The following DENND1A variants were observed in gnomAD, a reference collection of about 807,000 sequenced individuals.
The protein encoded by DENND1A is DENN domain-containing protein 1A.
Under a neutral mutation model 113.7 loss-of-function variants are expected in DENND1A, and 51 were observed. The ratio of observed to expected loss-of-function variants is 0.45; its 90% CI spans 0.36 to 0.57. The LOEUF (loss-of-function observed/expected upper bound fraction) is 0.57, where lower values mean the gene tolerates loss of function less well. Ranked by LOEUF, DENND1A falls within the 20% of genes least tolerant of loss-of-function variation. DENND1A has a pLI of 0.00. For missense variants in DENND1A, 1,258 were observed against 1,395.9 expected, an observed-to-expected ratio of 0.90 and a Z score of 1.57; for synonymous variants, 565 against 570.8, an observed-to-expected ratio of 0.99 and a Z score of 0.14.
intron 19 of DENND1A, among the ~76,000 whole-genome samples, chr9:123,419,481 C>G (rs894312297): frequency 1.3e-5 from 2 of 152,362 alleles, no homozygotes; most frequent in South Asian, 4.1e-4. Context: ...AGCAAATTCA[C>G]AATTAAACTC....
At chr9:123,414,591 G>A (rs1239991573) in intron 19 of DENND1A, 36 of 1,550,440 alleles carry the variant, frequency 2.3e-5, no homozygotes, top group Non-Finnish European at 3.1e-5. Context: ...CACAACGCCT[G>A]TTAGCATAGC....
chr9:123,414,436 C>A (rs559263297), intron 19 of DENND1A: 6 of 1,465,054 alleles, frequency 4.1e-6, no homozygotes, highest in Non-Finnish European at 4.5e-6. Context: ...CAGATGAAAT[C>A]ATCTCAGTGG....
At chr9:123,590,045 A>T (rs2059385362) in intron 11 of DENND1A, among the ~76,000 whole-genome samples, 1 of 152,216 alleles carries the variant, frequency 6.6e-6, no homozygotes, top group Non-Finnish European at 1.5e-5. Flanking sequence ...TATGTAAAAG[A>T]TTCAGCATAA....
intron 5 of DENND1A, among the ~76,000 whole-genome samples, chr9:123,697,074 T>A (rs1165052491): frequency 6.6e-6 from 1 of 152,128 alleles, no homozygotes; most frequent in Non-Finnish European, 1.5e-5. Context: ...TTAAGAGTAA[T>A]CCCCAAATTC....
chr9:123,440,097 G>A (rs2046815301), intron 19 of DENND1A: 2 of 343,276 alleles, frequency 5.8e-6, no homozygotes, highest in East Asian at 7.7e-5. Flanking sequence ...CTTGGAGTAC[G>A]GGAGGCAGCA....
In DENND1A at chr9:123,853,862, T is replaced by C. The variant is rs1343938276; in HGVS notation, c.88+25089A>G. On this transcript the variant is annotated intron_variant, in intron 2 of 23. Transcript: ENST00000394215. ...GATGCCAGCCTCTCAAAAAAGCTAC[T>C]GTTCCTCTCAATGGGCCGGAAAATG... is the stretch of plus-strand genomic sequence containing the variant. Among the ~76,000 whole-genome samples, 4 of 152,326 alleles carry C rather than the reference T, an allele frequency of 2.6e-5. No individual in the cohort carries two copies. In the East Asian group the frequency reaches 7.7e-4, roughly 29 times the overall value.
chr9:123,472,216 G>T (rs1473103219), intron 13 of DENND1A, among the ~76,000 whole-genome samples: 1 of 152,088 alleles, frequency 6.6e-6, no homozygotes, highest in African/African-American at 2.4e-5. Flanking sequence ...ACAAATATGG[G>T]TGACTGAGGT....
chr9:123,725,127 A>C (rs779710631), intron 5 of DENND1A, among the ~76,000 whole-genome samples: 1 of 152,264 alleles, frequency 6.6e-6, no homozygotes, highest in Non-Finnish European at 1.5e-5. Context: ...AATTATGCCC[A>C]AGCTTCACTA....
intron 5 of DENND1A, among the ~76,000 whole-genome samples, chr9:123,738,462 T>TGTGC (rs1282833158): frequency 3.9e-5 from 6 of 151,938 alleles, no homozygotes; most frequent in Admixed American, 1.3e-4. Flanking sequence ...TGTGTGTGTG[T>TGTGC]GTGTGTGTGT....
At chr9:123,615,871 T>C (rs2060627593) in intron 10 of DENND1A, among the ~76,000 whole-genome samples, 1 of 152,206 alleles carries the variant, frequency 6.6e-6, no homozygotes, top group South Asian at 2.1e-4. Context: ...AAGGGCTGCA[T>C]GGGAGGCTCC....
At position 123,619,441 on chromosome 9, in the gene DENND1A, CAG is replaced by C. The variant is rs1276106842; in HGVS notation, c.720-9962_720-9961del. Among the ~76,000 whole-genome samples the C allele has an allele frequency of 7.9e-5, 12 of 152,028 alleles. No individual in the cohort carries two copies. In the East Asian group the frequency reaches 1.7e-3, roughly 22 times the overall value. ...TGATTGATTGATTGATTGATTGAGA[CAG>C]AGTCTCACTCTCCTTGACCAGGTTG... On this transcript the variant is annotated intron_variant, in intron 10 of 23. Coordinates refer to ENST00000394215, the MANE Select transcript of DENND1A (RefSeq NM_001352964.2).
intron 19 of DENND1A, among the ~76,000 whole-genome samples, chr9:123,437,493 G>A (rs994018638): frequency 1.3e-5 from 2 of 152,234 alleles, no homozygotes; most frequent in Non-Finnish European, 2.9e-5. Context: ...CCACTGGCAA[G>A]CTAAATCTTC....
chr9:123,825,094 A>C (rs934181339), intron 2 of DENND1A, among the ~76,000 whole-genome samples: 1 of 152,178 alleles, frequency 6.6e-6, no homozygotes, highest in Non-Finnish European at 1.5e-5. Flanking sequence ...ATGCACCATT[A>C]GTCATGAAAC....
intron 13 of DENND1A, among the ~76,000 whole-genome samples, chr9:123,523,336 A>C (rs916917976): frequency 2.6e-5 from 4 of 152,166 alleles, no homozygotes; most frequent in Admixed American, 1.3e-4. Flanking sequence ...GGCCTGCCCC[A>C]CAAGAACCGT....
At position 123,441,186 on chromosome 9, in the gene DENND1A, G is replaced by A. The variant is rs562781130; in HGVS notation, c.1357-695C>T. 1.4e-4 allele frequency among the ~76,000 whole-genome samples: 21 copies of A among 152,252 alleles called. No individual in the cohort carries two copies. In the South Asian group the frequency reaches 4.4e-3, roughly 32 times the overall value. ...CAATTTACACCAACTACCAACAATG[G>A]ATGCATTACCAGTTTCACGATACTT... is the stretch of plus-strand genomic sequence containing the variant. On this transcript the variant is annotated intron_variant, in intron 18 of 23. Transcript: ENST00000394215.
In DENND1A at chr9:123,440,359, C is replaced by A; in HGVS notation, c.1488+1G>T. Reference sequence around the variant, plus strand: ...ACAGGTAGGAGGGCCAGGGTACACACCTGTCCAAAGTGGACTGTGATTGGC... The same window carrying A: ...ACAGGTAGGAGGGCCAGGGTACACAACTGTCCAAAGTGGACTGTGATTGGC... On this transcript the variant is annotated splice_donor_variant, in intron 19 of 23. Coordinates refer to ENST00000394215, the MANE Select transcript of DENND1A (RefSeq NM_001352964.2). LOFTEE classifies it high-confidence loss of function. 6.2e-7 allele frequency: 1 copy of A among 1,600,112 alleles called. No individual in the cohort carries two copies. The highest frequency in any genetic ancestry group is 8.5e-7 in the Non-Finnish European group (1 of 1,175,018).
At chr9:123,833,961 CAGG>C (rs1457931447) in intron 2 of DENND1A, among the ~76,000 whole-genome samples, 1 of 152,118 alleles carries the variant, frequency 6.6e-6, no homozygotes, top group Non-Finnish European at 1.5e-5. Context: ...GAGGCTGAGG[CAGG>C]AGAATTGCTT....
At chr9:123,926,119 T>C (rs970424954) in intron 1 of DENND1A, among the ~76,000 whole-genome samples, 7 of 152,274 alleles carry the variant, frequency 4.6e-5, no homozygotes, top group African/African-American at 1.7e-4. Context: ...TGTTGAAGAT[T>C]GTCAGTTACC....
At chr9:123,875,648 A>G (rs937546184) in intron 2 of DENND1A, among the ~76,000 whole-genome samples, 4 of 152,132 alleles carry the variant, frequency 2.6e-5, no homozygotes, top group Admixed American at 2.6e-4. Context: ...AGACCTAGGG[A>G]TGTATACACC....
Sources: allele counts gnomAD v4.1 joint callset (sites outside exome capture counted in the v4.1 genomes callset), GRCh38; gene constraint gnomAD v4.1.1; transcripts MANE v1.5; gene names NCBI Gene and HGNC (gene_info 2026-07-23, HGNC 2026-07-21).